USP6NL: variants seen among roughly 807,000 people sequenced by gnomAD.
USP6NL encodes USP6 N-terminal like.
In USP6NL, 26 loss-of-function variants were observed where a neutral mutation model predicts 61.9. The observed-to-expected ratio is 0.42, with a 90% CI of 0.31 to 0.58. USP6NL has a LOEUF of 0.58. Among genes scored for constraint, USP6NL ranks in the 20% least tolerant of loss-of-function variants. The pLI is 0.16. For synonymous variants in USP6NL, 432 were observed against 390.1 expected (o/e 1.11, Z -1.27); for missense variants, 1,114 against 1,034.3 (o/e 1.08, Z -1.06).
intron 2 of USP6NL, among the ~76,000 whole-genome samples, chr10:11,567,902 G>C (rs1837222051): frequency 6.6e-6 from 1 of 152,102 alleles, no homozygotes; most frequent in Non-Finnish European, 1.5e-5. Context: ...TCCATAACTT[G>C]CTCAAGGCTA....
In USP6NL at chr10:11,485,319, G is replaced by A. The variant is rs1195253122; in HGVS notation, c.760-85C>T. 3 of 1,110,538 alleles carry A rather than the reference G, an allele frequency of 2.7e-6. No homozygotes were observed. Among genetic ancestry groups the A allele is most frequent in the East Asian group, 5.3e-5 (2 of 37,988 alleles). 68.8% of individuals were successfully genotyped at this position (1,110,538 alleles called of 1,614,324 possible). On this transcript the variant is annotated intron_variant, in intron 11 of 14. Transcript: ENST00000609104. This position sits in a 1 kb window ranked among gnomAD's most constrained non-coding sequence, Gnocchi z 4.8. Reference sequence around the variant, plus strand: ...TACTAAGTTAGGAAGGCTGTTGGATGCAGCTATCAAAGCTAAACACATTTA... The same window carrying A: ...TACTAAGTTAGGAAGGCTGTTGGATACAGCTATCAAAGCTAAACACATTTA...
rs2133248342 is a variant in USP6NL, at chr10:11,487,293, GA to G, written c.665-1383del. Among the ~76,000 whole-genome samples the G allele has an allele frequency of 6.6e-6, 1 of 152,190 alleles. No homozygotes were observed. The highest frequency in any genetic ancestry group is 1.9e-4 in the East Asian group (1 of 5,186). ...TATAAGTGAAACCACCTTCACACTA[GA>G]AAGTAACCTTTAGTTATAAAATTTC... is the stretch of plus-strand genomic sequence containing the variant. On this transcript the variant is annotated intron_variant, in intron 10 of 14. Transcript: ENST00000609104. This position sits in a 1 kb window ranked among gnomAD's most constrained non-coding sequence, Gnocchi z 4.2.
chr10:11,567,600 T>C (rs1837210431), intron 2 of USP6NL, among the ~76,000 whole-genome samples: 1 of 152,234 alleles, frequency 6.6e-6, no homozygotes, highest in Admixed American at 6.5e-5. Context: ...AACATCACTA[T>C]ATTGAAACAG....
At position 11,595,932 on chromosome 10, in the gene USP6NL, T is replaced by C. The variant is rs893618836; in HGVS notation, c.4+1699A>G. The stretch of plus-strand genomic sequence containing the variant: ...AATCTTGCAAATGAAATATAAATAT[T>C]ACAATTTAAAGGTGAAAAATGTTAT... On this transcript the variant is annotated intron_variant, in intron 2 of 14. Coordinates refer to ENST00000609104, the MANE Select transcript of USP6NL (RefSeq NM_014688.5). The surrounding 1 kb of genome is among the most constrained non-coding windows in gnomAD (Gnocchi z 5.3). Among the ~76,000 whole-genome samples, 3 of 152,158 alleles carry C rather than the reference T, an allele frequency of 2.0e-5. No homozygotes were observed. The highest frequency in any genetic ancestry group is 7.2e-5 in the African/African-American group (3 of 41,426).
rs970771675 is a variant in USP6NL, at chr10:11,490,126, A to C, written c.543+706T>G. Among the ~76,000 whole-genome samples the C allele has an allele frequency of 2.6e-5, 4 of 152,186 alleles. No individual in the cohort carries two copies. The highest frequency in any genetic ancestry group is 9.7e-5 in the African/African-American group (4 of 41,442). On this transcript the variant is annotated intron_variant, in intron 9 of 14. Coordinates refer to ENST00000609104, the MANE Select transcript of USP6NL (RefSeq NM_014688.5). This position sits in a 1 kb window ranked among gnomAD's most constrained non-coding sequence, Gnocchi z 4.5. ...CTTCCTTCCTATGAGATGTCCCTTT[A>C]AAAACCCCTTTTTAACTTTTCCTAG...
intron 2 of USP6NL, among the ~76,000 whole-genome samples, chr10:11,577,359 C>T (rs540969487): frequency 1.3e-5 from 2 of 151,824 alleles, no homozygotes; most frequent in African/African-American, 4.8e-5. Flanking sequence ...CCACCACGCC[C>T]AGCCTAGAAT....
chr10:11,576,660 A>G (rs1388516546), intron 2 of USP6NL, among the ~76,000 whole-genome samples: 1 of 152,182 alleles, frequency 6.6e-6, no homozygotes, highest in African/African-American at 2.4e-5. Context: ...ATAAACTTCT[A>G]TTGTTTGTAA....
intron 1 of USP6NL, among the ~76,000 whole-genome samples, chr10:11,609,709 T>C (rs1369312956): frequency 1.3e-5 from 2 of 152,202 alleles, no homozygotes; most frequent in Non-Finnish European, 2.9e-5. Flanking sequence ...GGGCACATGG[T>C]GGCAAAGATG....
rs969133187 is a variant in USP6NL, at chr10:11,600,430, C to G, written c.-83-2713G>C. On this transcript the variant is annotated intron_variant, in intron 1 of 14. Coordinates refer to ENST00000609104, the MANE Select transcript of USP6NL (RefSeq NM_014688.5). The surrounding 1 kb of genome is among the most constrained non-coding windows in gnomAD (Gnocchi z 4.1). ...CCCACATCTTACAGCCAAACCCAGCCAAACTCAACAGAGAGCGCAGACCAG... is the reference window on the plus strand; with the variant it reads ...CCCACATCTTACAGCCAAACCCAGCGAAACTCAACAGAGAGCGCAGACCAG... Among the ~76,000 whole-genome samples, 3 of 152,150 alleles carry G rather than the reference C, an allele frequency of 2.0e-5. No individual in the cohort carries two copies. The highest frequency in any genetic ancestry group is 4.4e-5 in the Non-Finnish European group (3 of 68,024).
chr10:11,569,608 G>A (rs1182062844), intron 2 of USP6NL, among the ~76,000 whole-genome samples: 2 of 152,188 alleles, frequency 1.3e-5, no homozygotes, highest in Non-Finnish European at 2.9e-5. Flanking sequence ...GGAACCCGAA[G>A]GCTGATCGAT....
At position 11,518,735 on chromosome 10, in the gene USP6NL, T is replaced by G. The variant is rs142093834; in HGVS notation, c.156-161A>C. Among the ~76,000 whole-genome samples the G allele has an allele frequency of 1.2e-3, 190 of 152,364 alleles. 1 individual carries two copies. Among genetic ancestry groups the G allele is most frequent in the African/African-American group, 4.4e-3 (185 of 41,574 alleles). On this transcript the variant is annotated intron_variant, in intron 4 of 14. Transcript: ENST00000609104. This position sits in a 1 kb window ranked among gnomAD's most constrained non-coding sequence, Gnocchi z 5.3. ...ATTCAATATGAAATGATAGCTACTC[T>G]AGAACCACAGGGCCACCTATCTTCA...
At chr10:11,493,624 CT>C (rs1482246797) in intron 7 of USP6NL, among the ~76,000 whole-genome samples, 1 of 152,216 alleles carries the variant, frequency 6.6e-6, no homozygotes, top group Non-Finnish European at 1.5e-5. Flanking sequence ...TAATCATTGC[CT>C]TGTTTCTCAA....
intron 2 of USP6NL, among the ~76,000 whole-genome samples, chr10:11,549,749 A>G: frequency 6.6e-6 from 1 of 152,198 alleles, no homozygotes; most frequent in Non-Finnish European, 1.5e-5. Flanking sequence ...GGTATGAACA[A>G]TGTTTTTCCT....
chr10:11,576,336 T>C (rs746956510), intron 2 of USP6NL, among the ~76,000 whole-genome samples: 16 of 152,162 alleles, frequency 1.1e-4, no homozygotes, highest in Non-Finnish European at 1.9e-4. Flanking sequence ...CAGTATTTTA[T>C]CCCACTGGTC....
At chr10:11,519,151 A>G (rs1174540170) in intron 4 of USP6NL, among the ~76,000 whole-genome samples, 1 of 152,216 alleles carries the variant, frequency 6.6e-6, no homozygotes. Flanking sequence ...AAACTTTTAC[A>G]AAAATAGGTG....
Position 11,478,132 on chromosome 10 carries a change from T to C in USP6NL, c.1078+3638A>G, listed in dbSNP as rs74884767. On this transcript the variant is annotated intron_variant, in intron 14 of 14. Coordinates refer to ENST00000609104, the MANE Select transcript of USP6NL (RefSeq NM_014688.5). This position sits in a 1 kb window ranked among gnomAD's most constrained non-coding sequence, Gnocchi z 6.8. ...GTTAGAAAGAAATGGAAGAAAATCTTCAACTTGCAATAGCAATAAAAGATA... is the reference window on the plus strand; with the variant it reads ...GTTAGAAAGAAATGGAAGAAAATCTCCAACTTGCAATAGCAATAAAAGATA... Among the ~76,000 whole-genome samples, 2 of 152,334 alleles carry C rather than the reference T, an allele frequency of 1.3e-5. No homozygotes were observed. Among genetic ancestry groups the C allele is most frequent in the East Asian group, 3.9e-4 (2 of 5,192 alleles).
intron 14 of USP6NL, among the ~76,000 whole-genome samples, chr10:11,466,974 G>A (rs1832492279): frequency 6.6e-6 from 1 of 152,224 alleles, no homozygotes; most frequent in African/African-American, 2.4e-5. Context: ...GAGGGTAGCT[G>A]TTTTTAGACA....
intron 6 of USP6NL, among the ~76,000 whole-genome samples, chr10:11,501,982 G>T (rs781270670): frequency 5.3e-5 from 8 of 152,188 alleles, no homozygotes; most frequent in Non-Finnish European, 1.0e-4. Context: ...TCATCAGCTG[G>T]GCGCAGTGGC....
rs186338407 is a variant in USP6NL, at chr10:11,577,335, A to G, written c.4+20296T>C. On this transcript the variant is annotated intron_variant, in intron 2 of 14. Coordinates refer to ENST00000609104, the MANE Select transcript of USP6NL (RefSeq NM_014688.5). ...CACCTCGCCCTCCCAAAGTGCTGGG[A>G]TTACAGGTGTGAGCCACCACGCCCA... Among the ~76,000 whole-genome samples, 77 of 152,256 alleles carry G rather than the reference A, an allele frequency of 5.1e-4. No homozygotes were observed. The East Asian group carries it at 0.012, about 24-fold the overall frequency.
Sources: allele counts gnomAD v4.1 joint callset (sites outside exome capture counted in the v4.1 genomes callset), GRCh38; gene constraint gnomAD v4.1.1; non-coding constraint Gnocchi (gnomAD v3.1); transcripts MANE v1.5; gene names NCBI Gene and HGNC (gene_info 2026-07-23, HGNC 2026-07-21).